The following LOC102723971 variants were observed in gnomAD, a reference collection of about 807,000 sequenced individuals.
chr9:135,617,059 C>T, the LOC102723971 span: 1 of 398,596 alleles, frequency 2.5e-6, no homozygotes, highest in Non-Finnish European at 4.4e-6. Context: ...TGCAGTGCCT[C>T]AGACCCCAGA....
At chr9:135,615,529 C>T in the LOC102723971 span, 16 of 398,634 alleles carry the variant, frequency 4.0e-5, no homozygotes, top group South Asian at 1.3e-4. Context: ...CCCTCTCAGG[C>T]GCTCATTCTC....
At chr9:135,615,426 A>T in the LOC102723971 span, 3 of 398,470 alleles carry the variant, frequency 7.5e-6, no homozygotes, top group Admixed American at 4.4e-5. Flanking sequence ...TCCCCGGCCG[A>T]CCCCCTGAGG....
the LOC102723971 span, chr9:135,616,883 A>T: frequency 2.5e-6 from 1 of 398,528 alleles, no homozygotes; most frequent in Non-Finnish European, 4.4e-6. Context: ...GGCATCGTGC[A>T]TCAGCTGGCC....
At chr9:135,618,111 G>A in the LOC102723971 span, 86 of 398,392 alleles carry the variant, frequency 2.2e-4, no homozygotes, top group Middle Eastern at 1.3e-3. Flanking sequence ...CTGGGGCCTC[G>A]TCTTCCCAGC....
the LOC102723971 span, among the ~76,000 whole-genome samples, chr9:135,615,893 G>A: frequency 4.6e-5 from 7 of 152,354 alleles, no homozygotes; most frequent in Middle Eastern, 6.8e-3. Flanking sequence ...TCCCGAGGAC[G>A]GCTGCACTGT....
chr9:135,618,110 C>G, the LOC102723971 span: 3 of 398,234 alleles, frequency 7.5e-6, no homozygotes, highest in East Asian at 1.1e-4. Flanking sequence ...TCTGGGGCCT[C>G]GTCTTCCCAG....
chr9:135,619,828 G>GA, the LOC102723971 span, among the ~76,000 whole-genome samples: 1 of 150,788 alleles, frequency 6.6e-6, no homozygotes, highest in Admixed American at 6.6e-5. Context: ...AGGCTGCCCC[G>GA]AAAACGCCTC....
chr9:135,617,204 G>A, the LOC102723971 span, among the ~76,000 whole-genome samples: 6 of 152,184 alleles, frequency 3.9e-5, no homozygotes, highest in Admixed American at 3.9e-4. Context: ...CTCTTCCTCC[G>A]ACACATGCCC....
chr9:135,614,847 G>A, the LOC102723971 span, among the ~76,000 whole-genome samples: 1 of 152,066 alleles, frequency 6.6e-6, no homozygotes, highest in Non-Finnish European at 1.5e-5. Context: ...AGGGACACCC[G>A]GCACAGCACC....
chr9:135,616,614 C>A, the LOC102723971 span: 351 of 398,708 alleles, frequency 8.8e-4, 2 homozygotes, highest in African/African-American at 5.8e-3. Context: ...AAGAAACAAA[C>A]ATCACCGTCC....
the LOC102723971 span, chr9:135,619,094 G>A: frequency 7.4e-3 from 2,937 of 399,002 alleles, 86 homozygotes; most frequent in African/African-American, 0.053. Flanking sequence ...GCATCTCAGG[G>A]ACTCAAGGAA....
At chr9:135,617,562 C>G in the LOC102723971 span, among the ~76,000 whole-genome samples, 2 of 151,916 alleles carry the variant, frequency 1.3e-5, no homozygotes, top group Non-Finnish European at 1.5e-5. Flanking sequence ...CAGCAGCAGC[C>G]GAGAGGCCCC....
chr9:135,614,259 C>G, the LOC102723971 span: 74 of 398,696 alleles, frequency 1.9e-4, no homozygotes, highest in East Asian at 2.2e-3. Flanking sequence ...GAGAAAGGCC[C>G]GCTCCTGCTG....
chr9:135,614,451 G>A, the LOC102723971 span: 1 of 385,520 alleles, frequency 2.6e-6, no homozygotes, highest in Non-Finnish European at 4.6e-6. Context: ...GGGGTGCCGG[G>A]GTTCAGATCC....
At chr9:135,616,418 C>T in the LOC102723971 span, among the ~76,000 whole-genome samples, 1 of 152,310 alleles carries the variant, frequency 6.6e-6, no homozygotes, top group East Asian at 1.9e-4. Context: ...GACGAGGCTG[C>T]CCTTGAGTCT....
chr9:135,616,300 G>A, the LOC102723971 span, among the ~76,000 whole-genome samples: 30 of 152,148 alleles, frequency 2.0e-4, no homozygotes, highest in African/African-American at 7.2e-4. Context: ...AGGAGGCTTG[G>A]TGTCATCCCA....
chr9:135,619,070 C>T, the LOC102723971 span: 1 of 399,602 alleles, frequency 2.5e-6, no homozygotes, highest in Non-Finnish European at 4.4e-6. Context: ...CCAGGTCCCC[C>T]TGGAAGCCCT....
At chr9:135,614,345 C>G in the LOC102723971 span, 1 of 398,436 alleles carries the variant, frequency 2.5e-6, no homozygotes, top group Non-Finnish European at 4.4e-6. Context: ...CTTCAATGCG[C>G]AGAAGGTACG....
At chr9:135,617,627 C>T in the LOC102723971 span, among the ~76,000 whole-genome samples, 1 of 152,180 alleles carries the variant, frequency 6.6e-6, no homozygotes, top group Non-Finnish European at 1.5e-5. Flanking sequence ...GAACTTGGGA[C>T]TCTCTGGGGG....
Sources: allele counts gnomAD v4.1 joint callset (sites outside exome capture counted in the v4.1 genomes callset), GRCh38; gene constraint gnomAD v4.1.1; transcripts MANE v1.5.